SHISAL1: variants seen among roughly 807,000 people sequenced by gnomAD.
SHISAL1 encodes shisa like 1.
SHISAL1 carries 9 observed loss-of-function variants against 22.6 expected under a neutral mutation model. The observed-to-expected ratio is 0.40, with a 90% confidence interval of 0.24 to 0.70. The LOEUF (loss-of-function observed/expected upper bound fraction) is 0.70. SHISAL1 is among the 30% of genes least tolerant of loss of function. The pLI is 0.39. For missense variants in SHISAL1, 246 were observed against 270.6 expected (o/e 0.91, Z 0.64); for synonymous variants, 119 against 115.4 (o/e 1.03, Z -0.20).
chr22:44,256,001 C>T (rs148818318), intron 4 of SHISAL1, among the ~76,000 whole-genome samples: 71 of 152,314 alleles, frequency 4.7e-4, no homozygotes, highest in African/African-American at 1.7e-3. Flanking sequence ...ATCCAACCCG[C>T]TGGAGGCCTA....
chr22:44,275,224 C>G (rs2055231494), intron 4 of SHISAL1, among the ~76,000 whole-genome samples: 1 of 152,192 alleles, frequency 6.6e-6, no homozygotes, highest in Non-Finnish European at 1.5e-5. Context: ...CACCTGCCAC[C>G]TCCGGAAAGA....
the SHISAL1 span, among the ~76,000 whole-genome samples, chr22:44,325,308 C>T: frequency 6.6e-6 from 1 of 151,896 alleles, no homozygotes; most frequent in Admixed American, 6.5e-5. Context: ...CCTGGACCTT[C>T]TGGGACTTGG....
At chr22:44,289,466 ATG>A (rs35632126) in intron 3 of SHISAL1, among the ~76,000 whole-genome samples, 120 of 120,716 alleles carry the variant, frequency 9.9e-4, no homozygotes, top group Middle Eastern at 7.7e-3. Flanking sequence ...GTCATTGTAA[ATG>A]TGTGTGTGTG....
chr22:44,303,729 T>C (rs576875224), intron 1 of SHISAL1, among the ~76,000 whole-genome samples: 15 of 152,232 alleles, frequency 9.9e-5, no homozygotes, highest in African/African-American at 3.4e-4. Context: ...AAGGGCTGGG[T>C]TGGGTCCACA....
intron 4 of SHISAL1, among the ~76,000 whole-genome samples, chr22:44,250,783 T>C (rs135444): frequency 0.58 from 87,574 of 152,128 alleles, 26,369 homozygotes; most frequent in East Asian, 0.75. Context: ...ACTACCCCCT[T>C]CATACCATTG....
upstream of SHISAL1, among the ~76,000 whole-genome samples, chr22:44,315,436 T>C (rs62230312): frequency 0.18 from 27,938 of 152,004 alleles, 2,912 homozygotes; most frequent in Non-Finnish European, 0.24. Context: ...CCCAGGCTGC[T>C]GGGTGTGGTG....
chr22:44,272,970 G>GCCTGTAGT (rs1214267790), intron 4 of SHISAL1, among the ~76,000 whole-genome samples: 1 of 152,096 alleles, frequency 6.6e-6, no homozygotes, highest in African/African-American at 2.4e-5. Context: ...GGTGGCACAT[G>GCCTGTAGT]CCTGTAGTCC....
At chr22:44,301,096 C>T in intron 1 of SHISAL1, 119 bp from the exon 2 acceptor site, 1 of 641,936 alleles carries the variant, frequency 1.6e-6, no homozygotes, top group East Asian at 2.9e-5. Flanking sequence ...TTGTCGGGAG[C>T]AGGGGCCGGG....
intron 4 of SHISAL1, among the ~76,000 whole-genome samples, chr22:44,253,929 A>G (rs1475203937): frequency 1.3e-5 from 2 of 152,194 alleles, no homozygotes; most frequent in African/African-American, 4.8e-5. Flanking sequence ...TCAGGCCACA[A>G]AGAAAGTAAA....
At chr22:44,330,334 C>T in the SHISAL1 span, among the ~76,000 whole-genome samples, 1 of 152,224 alleles carries the variant, frequency 6.6e-6, no homozygotes, top group South Asian at 2.1e-4. Flanking sequence ...GGCTGGAGGC[C>T]ACCCCCAGAG....
chr22:44,308,228 A>G (rs2055492952), intron 1 of SHISAL1, among the ~76,000 whole-genome samples: 1 of 152,214 alleles, frequency 6.6e-6, no homozygotes, highest in African/African-American at 2.4e-5. Context: ...GAAGCCTTGG[A>G]CAGGCCTGGC....
At chr22:44,281,603 C>T (rs984583518) in intron 4 of SHISAL1, among the ~76,000 whole-genome samples, 3 of 152,152 alleles carry the variant, frequency 2.0e-5, no homozygotes, top group South Asian at 2.1e-4. Context: ...CGTTAGGTGA[C>T]GAAGGCACTT....
chr22:44,273,018 C>T (rs2055215398), intron 4 of SHISAL1, among the ~76,000 whole-genome samples: 1 of 152,036 alleles, frequency 6.6e-6, no homozygotes, highest in Non-Finnish European at 1.5e-5. Context: ...ATCGCTTGAA[C>T]CCCAGAGGCG....
intron 4 of SHISAL1, among the ~76,000 whole-genome samples, chr22:44,259,563 A>G (rs924609086): frequency 6.6e-6 from 1 of 152,044 alleles, no homozygotes; most frequent in Non-Finnish European, 1.5e-5. Context: ...CGGTTGCACA[A>G]ATGGGTTCCG....
At chr22:44,286,028 C>T (rs1389515442) in intron 3 of SHISAL1, among the ~76,000 whole-genome samples, 2 of 152,224 alleles carry the variant, frequency 1.3e-5, no homozygotes, top group Non-Finnish European at 2.9e-5. Context: ...CAGAGTCAGA[C>T]ACTTTGGGGG....
intron 2 of SHISAL1, among the ~76,000 whole-genome samples, chr22:44,299,566 G>A (rs1490438576): frequency 6.6e-6 from 1 of 152,186 alleles, no homozygotes; most frequent in Non-Finnish European, 1.5e-5. Context: ...GCTGTCCGGG[G>A]AGCCCTGCCA....
chr22:44,313,722 G>A (rs541616852), upstream of SHISAL1, among the ~76,000 whole-genome samples: 2 of 152,286 alleles, frequency 1.3e-5, no homozygotes, highest in East Asian at 1.9e-4. Context: ...TTCGTGCATC[G>A]TGGTACCTTG....
chr22:44,251,515 T>A (rs563125239), intron 4 of SHISAL1, among the ~76,000 whole-genome samples: 1 of 152,246 alleles, frequency 6.6e-6, no homozygotes, highest in Non-Finnish European at 1.5e-5. Flanking sequence ...ATTTTCACGC[T>A]GCTAATAGAC....
At position 44,296,758 on chromosome 22, in the gene SHISAL1, C is replaced by T. The variant is rs200287506; in HGVS notation, c.195G>A (p.Thr65=). ...TCTCGTTGCAGCAGTATTTGAAGAC[C>T]GTGTTGTTATGGTGACAACAGAGGA... ...TFILCCHHNN[T]VFKYCCNETE... The change falls in exon 3 of 5, where the codon ACG becomes ACA. Residue 65 remains threonine, a synonymous_variant. Transcript: ENST00000381176. 365 of 1,614,142 alleles carry T rather than the reference C, an allele frequency of 2.3e-4. 3 individuals are homozygous for T. The highest frequency in any genetic ancestry group is 3.8e-4 in the Admixed American group (23 of 60,032).
Sources: gnomAD v4.1 joint callset for allele counts (sites outside exome capture counted in the v4.1 genomes callset) on GRCh38, gnomAD v4.1.1 for gene constraint, MANE v1.5 for transcripts, NCBI Gene and HGNC (gene_info 2026-07-23, HGNC 2026-07-21) for gene names.